AOPEP: variants seen among roughly 807,000 people sequenced by gnomAD.
The protein encoded by AOPEP is aminopeptidase O (putative).
A neutral mutation model predicts 98.1 loss-of-function variants in AOPEP; 77 were observed. That is an observed-to-expected ratio of 0.78 (90% CI 0.65 to 0.95). The LOEUF (loss-of-function observed/expected upper bound fraction) is 0.95. Ranked by LOEUF, AOPEP falls within the 40% of genes least tolerant of loss-of-function variation. The pLI is 0.00. For synonymous variants in AOPEP, 346 were observed against 365.3 expected (o/e 0.95, Z 0.60); for missense variants, 1,024 against 1,024.7 (o/e 1.00, Z 0.01).
intron 5 of AOPEP, among the ~76,000 whole-genome samples, chr9:94,828,434 C>T (rs1855144214): frequency 6.6e-6 from 1 of 152,120 alleles, no homozygotes; most frequent in South Asian, 2.1e-4. Flanking sequence ...CTGTGGATAT[C>T]TACTTATCCC....
intron 13 of AOPEP, among the ~76,000 whole-genome samples, chr9:95,045,196 T>C (rs2065734162): frequency 6.6e-6 from 1 of 152,206 alleles, no homozygotes; most frequent in Non-Finnish European, 1.5e-5. Context: ...GCGAAATCAC[T>C]GTGCTTGGAG....
At chr9:95,134,395 G>A in the AOPEP span, among the ~76,000 whole-genome samples, 3 of 152,138 alleles carry the variant, frequency 2.0e-5, no homozygotes, top group Admixed American at 2.0e-4. Flanking sequence ...TCAAGGGCGA[G>A]GGTGAACACT....
intron 13 of AOPEP, among the ~76,000 whole-genome samples, chr9:95,009,822 C>T (rs1343602025): frequency 6.6e-6 from 1 of 151,386 alleles, no homozygotes; most frequent in East Asian, 1.9e-4. Flanking sequence ...TTCATGTATT[C>T]AAAGTGAAAC....
intron 1 of AOPEP, among the ~76,000 whole-genome samples, chr9:94,756,542 G>T (rs1023438965): frequency 6.6e-6 from 1 of 152,184 alleles, no homozygotes; most frequent in Non-Finnish European, 1.5e-5. Context: ...TTGAAGGGGA[G>T]AAAATGTTGG....
the AOPEP span, among the ~76,000 whole-genome samples, chr9:95,130,615 G>A: frequency 1.3e-5 from 2 of 152,112 alleles, no homozygotes; most frequent in Non-Finnish European, 2.9e-5. Context: ...TTAGGAAATG[G>A]GTCATTTAAA....
At chr9:95,150,016 G>C in the AOPEP span, 4 of 1,613,990 alleles carry the variant, frequency 2.5e-6, no homozygotes, top group Non-Finnish European at 3.4e-6. Flanking sequence ...CTCCACCAGG[G>C]GGTCAACATC....
rs765054937 is a variant in AOPEP, at chr9:94,898,947, C to CAAAT, written c.1365-25023_1365-25020dup. ...GACAGAGCGAGCCTGGGCACTGTCT[C>CAAAT]AAATAAATAAATAAATAAAAAGACT... On this transcript the variant is annotated intron_variant, in intron 5 of 16. Transcript: ENST00000375315. Among the ~76,000 whole-genome samples, 704 of 150,738 alleles carry CAAAT rather than the reference C, an allele frequency of 4.7e-3. 11 individuals are homozygous for CAAAT. The highest frequency in any genetic ancestry group is 6.1e-3 in the Non-Finnish European group (412 of 67,906).
intron 5 of AOPEP, among the ~76,000 whole-genome samples, chr9:94,914,787 C>A (rs2136542778): frequency 6.6e-6 from 1 of 152,272 alleles, no homozygotes; most frequent in East Asian, 1.9e-4. Context: ...TTAGCATTAC[C>A]CGGGAACTTC....
At chr9:94,911,073 T>TA (rs1482917666) in intron 5 of AOPEP, among the ~76,000 whole-genome samples, 1 of 152,100 alleles carries the variant, frequency 6.6e-6, no homozygotes, top group Non-Finnish European at 1.5e-5. Flanking sequence ...AAACAATTGA[T>TA]AGAGATAGAG....
intron 13 of AOPEP, among the ~76,000 whole-genome samples, chr9:95,023,017 C>T (rs1419557886): frequency 2.0e-5 from 3 of 152,184 alleles, no homozygotes; most frequent in Non-Finnish European, 4.4e-5. Context: ...TGAAATCCCA[C>T]CTTTTTGCCC....
chr9:94,847,127 T>TATACACACACACAC (rs2042951015), intron 5 of AOPEP, among the ~76,000 whole-genome samples: 2 of 125,142 alleles, frequency 1.6e-5, no homozygotes, highest in Non-Finnish European at 3.6e-5. Context: ...GTTCCCTTTG[T>TATACACACACACAC]ACACACACAC....
downstream of AOPEP, among the ~76,000 whole-genome samples, chr9:95,089,864 T>C (rs2070842267): frequency 6.6e-6 from 1 of 152,234 alleles, no homozygotes; most frequent in Non-Finnish European, 1.5e-5. Context: ...TGCAACAGGC[T>C]GTAAGAAACT....
chr9:95,017,736 C>A (rs530179799), intron 13 of AOPEP, among the ~76,000 whole-genome samples: 4 of 152,198 alleles, frequency 2.6e-5, no homozygotes, highest in African/African-American at 7.2e-5. Context: ...GTACCTGATA[C>A]GACAGTCCAG....
At chr9:95,091,930 G>T (rs1019757909), downstream of AOPEP, among the ~76,000 whole-genome samples, 1 of 152,170 alleles carries the variant, frequency 6.6e-6, no homozygotes, top group African/African-American at 2.4e-5. Context: ...TGGGGCTGGG[G>T]GTGGGAAAAG....
At chr9:95,149,800 G>C in the AOPEP span, 10 of 1,105,332 alleles carry the variant, frequency 9.0e-6, no homozygotes, top group Non-Finnish European at 1.3e-5. Context: ...TAATTTTTAA[G>C]AGTATAAAGG....
At chr9:94,865,653 A>C (rs775977084) in intron 5 of AOPEP, among the ~76,000 whole-genome samples, 1 of 152,132 alleles carries the variant, frequency 6.6e-6, no homozygotes, top group Non-Finnish European at 1.5e-5. Context: ...CCTTATTTTT[A>C]TATTCTTAAT....
At chr9:94,888,898 A>G (rs1427537030) in intron 5 of AOPEP, among the ~76,000 whole-genome samples, 3 of 152,208 alleles carry the variant, frequency 2.0e-5, no homozygotes, top group African/African-American at 7.2e-5. Context: ...TGATTTTATC[A>G]TGCATGAAGC....
intron 10 of AOPEP, among the ~76,000 whole-genome samples, chr9:94,974,550 C>T (rs778195162): frequency 2.0e-5 from 3 of 152,216 alleles, no homozygotes; most frequent in Admixed American, 6.5e-5. Context: ...AGCTCACTGA[C>T]GAGCTCTCCT....
intron 3 of AOPEP, among the ~76,000 whole-genome samples, chr9:94,787,012 G>C (rs986390304): frequency 6.6e-6 from 1 of 152,240 alleles, no homozygotes; most frequent in Admixed American, 6.5e-5. Context: ...AAAAACTTGC[G>C]CGCTGTATAG....
Sources: gnomAD v4.1 joint callset for allele counts (sites outside exome capture counted in the v4.1 genomes callset) on GRCh38, gnomAD v4.1.1 for gene constraint, MANE v1.5 for transcripts, NCBI Gene and HGNC (gene_info 2026-07-23, HGNC 2026-07-21) for gene names.